The following LRRTM4 variants were observed in gnomAD, a reference collection of about 807,000 sequenced individuals.
The protein encoded by LRRTM4 is leucine rich repeat transmembrane neuronal 4, also known as leucine-rich repeat transmembrane neuronal protein 4.
A neutral mutation model predicts 47.6 loss-of-function variants in LRRTM4; 25 were observed. The observed-to-expected ratio is 0.53, with a 90% CI of 0.38 to 0.73. The LOEUF (loss-of-function observed/expected upper bound fraction) is 0.73, where lower values mean the gene tolerates loss of function less well. Ranked by LOEUF, LRRTM4 falls within the 30% of genes least tolerant of loss-of-function variation. The pLI, the probability that LRRTM4 is intolerant of heterozygous loss-of-function variation, is 0.00. For missense variants in LRRTM4, 638 were observed against 713.4 expected, an observed-to-expected ratio of 0.89 and a Z score of 1.20; for synonymous variants, 311 against 269.5, an observed-to-expected ratio of 1.15 and a Z score of -1.51.
intron 3 of LRRTM4, among the ~76,000 whole-genome samples, chr2:77,479,457 A>T (rs1237589605): frequency 6.6e-6 from 1 of 152,240 alleles, no homozygotes; most frequent in Non-Finnish European, 1.5e-5. Flanking sequence ...GGAGGTTTCA[A>T]AAAGCAAGTC....
At chr2:77,364,715 T>C (rs750242503) in intron 3 of LRRTM4, among the ~76,000 whole-genome samples, 1 of 152,014 alleles carries the variant, frequency 6.6e-6, no homozygotes, top group Non-Finnish European at 1.5e-5. Flanking sequence ...ACGAAATCCA[T>C]TCCGATAAAT....
At chr2:77,307,468 G>A (rs1677313484) in intron 3 of LRRTM4, among the ~76,000 whole-genome samples, 1 of 147,320 alleles carries the variant, frequency 6.8e-6, no homozygotes, top group South Asian at 2.1e-4. Context: ...ATAATTCAAT[G>A]TTTATATACA....
At chr2:77,135,450 G>A (rs1671909628) in intron 3 of LRRTM4, among the ~76,000 whole-genome samples, 1 of 152,110 alleles carries the variant, frequency 6.6e-6, no homozygotes, top group African/African-American at 2.4e-5. Context: ...GAATTACTTA[G>A]GGTCTTCTTG....
chr2:77,321,639 C>A (rs946269225), intron 3 of LRRTM4, among the ~76,000 whole-genome samples: 12 of 150,864 alleles, frequency 8.0e-5, no homozygotes, highest in African/African-American at 2.4e-4. Context: ...AAGACAAAAC[C>A]GGGGGGAAAT....
chr2:77,521,103 A>C (rs1679474368), intron 2 of LRRTM4, among the ~76,000 whole-genome samples: 2 of 151,932 alleles, frequency 1.3e-5, no homozygotes, highest in South Asian at 2.1e-4. Context: ...CTACAGACTC[A>C]TTGAAATACA....
chr2:77,167,761 T>C (rs1005459510), intron 3 of LRRTM4, among the ~76,000 whole-genome samples: 1 of 152,014 alleles, frequency 6.6e-6, no homozygotes, highest in African/African-American at 2.4e-5. Context: ...ATGAGAACAT[T>C]TGGACACAGG....
chr2:77,412,077 T>G (rs924290247), intron 3 of LRRTM4, among the ~76,000 whole-genome samples: 9 of 151,970 alleles, frequency 5.9e-5, no homozygotes, highest in Non-Finnish European at 1.3e-4. Flanking sequence ...AATGGACCAC[T>G]TGTCCCTGAA....
At chr2:76,987,095 G>A (rs1449459285) in intron 3 of LRRTM4, among the ~76,000 whole-genome samples, 2 of 151,762 alleles carry the variant, frequency 1.3e-5, no homozygotes, top group African/African-American at 2.4e-5. Context: ...TATGGGTTAG[G>A]AATAACAATT....
At chr2:77,253,449 A>C (rs1164440137) in intron 3 of LRRTM4, among the ~76,000 whole-genome samples, 1 of 152,136 alleles carries the variant, frequency 6.6e-6, no homozygotes, top group East Asian at 1.9e-4. Flanking sequence ...ACCTCTGTTG[A>C]AGCTGTTTCA....
chr2:77,312,679 C>T (rs1029209989), intron 3 of LRRTM4, among the ~76,000 whole-genome samples: 4 of 152,102 alleles, frequency 2.6e-5, no homozygotes, highest in African/African-American at 4.8e-5. Flanking sequence ...CAAATCATGG[C>T]TTAACTGTTG....
At chr2:77,029,813 C>G (rs985090813) in intron 3 of LRRTM4, among the ~76,000 whole-genome samples, 2 of 152,180 alleles carry the variant, frequency 1.3e-5, no homozygotes, top group Non-Finnish European at 2.9e-5. Flanking sequence ...GAATCATCAT[C>G]TACCCTGACA....
intron 3 of LRRTM4, among the ~76,000 whole-genome samples, chr2:77,261,918 CAGG>C (rs1211732989): frequency 6.6e-6 from 1 of 152,070 alleles, no homozygotes; most frequent in East Asian, 1.9e-4. Context: ...GGCCTCACAG[CAGG>C]AGGTGAGCAA....
At chr2:77,459,879 G>T (rs1676715047) in intron 3 of LRRTM4, among the ~76,000 whole-genome samples, 1 of 151,856 alleles carries the variant, frequency 6.6e-6, no homozygotes, top group Non-Finnish European at 1.5e-5. Context: ...AATTTTGAAT[G>T]CTTGTGAGCT....
chr2:77,014,200 G>C (rs1393458243), intron 3 of LRRTM4, among the ~76,000 whole-genome samples: 2 of 152,074 alleles, frequency 1.3e-5, no homozygotes, highest in Non-Finnish European at 2.9e-5. Flanking sequence ...GGCAAACAAG[G>C]CTGAGAAGGC....
chr2:77,321,326 C>A (rs1245497169), intron 3 of LRRTM4, among the ~76,000 whole-genome samples: 1 of 151,978 alleles, frequency 6.6e-6, no homozygotes, highest in African/African-American at 2.4e-5. Context: ...GCAATAAAAT[C>A]AATTTTTCAG....
chr2:77,115,163 A>C (rs1350500646), intron 3 of LRRTM4, among the ~76,000 whole-genome samples: 2 of 152,140 alleles, frequency 1.3e-5, no homozygotes, highest in Non-Finnish European at 2.9e-5. Context: ...TGGGAAAAGA[A>C]TTCAGTGATA....
At chr2:76,859,524 T>A (rs1558697604) in intron 3 of LRRTM4, among the ~76,000 whole-genome samples, 5 of 152,180 alleles carry the variant, frequency 3.3e-5, no homozygotes, top group Admixed American at 3.3e-4. Context: ...AATAGCATAG[T>A]TGAATTTAGA....
At chr2:76,962,833 A>G (rs533983746) in intron 3 of LRRTM4, among the ~76,000 whole-genome samples, 1 of 150,922 alleles carries the variant, frequency 6.6e-6, no homozygotes, top group African/African-American at 2.4e-5. Context: ...TGCTATTTGC[A>G]CATTTCCAGA....
Position 76,825,877 on chromosome 2 carries a change from CAA to C in LRRTM4, c.1552-76963_1552-76962del, listed in dbSNP as rs561417590. ...ACAAGCACTAAGACAGGAGGCAAAA[CAA>C]GAGATTATGGAGTTGCAGTCTGTAA... On this transcript the variant is annotated intron_variant, in intron 3 of 3. Coordinates refer to ENST00000409884, the MANE Select transcript of LRRTM4 (RefSeq NM_001134745.3). Among the ~76,000 whole-genome samples the C allele has an allele frequency of 4.5e-3, 683 of 151,640 alleles. 7 individuals are homozygous for C. Among genetic ancestry groups the C allele is most frequent in the South Asian group, 0.013 (62 of 4,818 alleles).
Sources: gnomAD v4.1 joint callset for allele counts (sites outside exome capture counted in the v4.1 genomes callset) on GRCh38, gnomAD v4.1.1 for gene constraint, MANE v1.5 for transcripts, NCBI Gene and HGNC (gene_info 2026-07-23, HGNC 2026-07-21) for gene names.